Variants in RFT1 observed in about 807,000 individuals in gnomAD.
RFT1 encodes man(5)GlcNAc(2)-PP-dolichol translocation protein RFT1.
Under a neutral mutation model 62.2 loss-of-function variants are expected in RFT1, and 43 were observed. The ratio of observed to expected loss-of-function variants is 0.69; its 90% CI spans 0.54 to 0.89. The LOEUF is 0.89. Ranked by LOEUF, RFT1 falls within the 40% of genes least tolerant of loss-of-function variation. The pLI is 0.00. For synonymous variants in RFT1, 262 were observed against 264.6 expected (o/e 0.99, Z 0.10); for missense variants, 605 against 649.9 (o/e 0.93, Z 0.75).
chr3:53,072,408 G>A, the RFT1 span, among the ~76,000 whole-genome samples: 3 of 152,174 alleles, frequency 2.0e-5, no homozygotes, highest in African/African-American at 7.2e-5. Flanking sequence ...GCTGCTGGGC[G>A]TGCTTGGCTG....
rs1245319384 is a variant in RFT1 at position 53,112,207 on chromosome 3, G to A, written c.697-299C>T. On this transcript the variant is annotated intron_variant, in intron 6 of 12. Transcript: ENST00000296292. ...ACAGTACACTGACCACAGCTAACAC[G>A]TACAGCTCACAGTTTGTTCTTTCCT... Among the ~76,000 whole-genome samples, 6 of 152,218 alleles carry A rather than the reference G, an allele frequency of 3.9e-5. No homozygotes were observed. The East Asian group carries it at 5.8e-4, about 15-fold the overall frequency.
Position 53,088,677 on chromosome 3 carries a change from A to C in RFT1, c.*3226T>G, listed in dbSNP as rs1700910560. Reference sequence around the variant, plus strand: ...TGAGATCCAGTCTCTACAAAAAAAAATTAGAAATTAGCTGGGTGAGGTAGC... The same window carrying C: ...TGAGATCCAGTCTCTACAAAAAAAACTTAGAAATTAGCTGGGTGAGGTAGC... On this transcript the variant is annotated 3_prime_UTR_variant, in exon 13 of 13. Transcript: ENST00000296292. 1 of 151,788 alleles carries C rather than the reference A, an allele frequency of 6.6e-6. No homozygotes were observed. The highest frequency in any genetic ancestry group is 1.5e-5 in the Non-Finnish European group (1 of 67,960). The allele number at this position is 151,788 out of a possible 1,614,324, so 9.4% of individuals were successfully genotyped here.
At chr3:53,085,282 C>T (rs889403553), downstream of RFT1, among the ~76,000 whole-genome samples, 2 of 152,294 alleles carry the variant, frequency 1.3e-5, no homozygotes, top group East Asian at 1.9e-4. Flanking sequence ...CTGGGAGCTG[C>T]CCCAGAGCCT....
chr3:53,067,685 A>ATAGGAGG, the RFT1 span, among the ~76,000 whole-genome samples: 2 of 152,210 alleles, frequency 1.3e-5, no homozygotes, highest in South Asian at 4.1e-4. Context: ...GGTATGCTCG[A>ATAGGAGG]TAGGAGGAGT....
intron 6 of RFT1, among the ~76,000 whole-genome samples, chr3:53,114,092 C>G (rs1701727017): frequency 6.6e-6 from 1 of 152,184 alleles, no homozygotes; most frequent in Admixed American, 6.5e-5. Flanking sequence ...GAGCACCAGA[C>G]AACTTCCTAC....
intron 7 of RFT1, among the ~76,000 whole-genome samples, chr3:53,108,562 T>C (rs1701556474): frequency 6.6e-6 from 1 of 151,920 alleles, no homozygotes; most frequent in South Asian, 2.1e-4. Flanking sequence ...CTAATGTTTT[T>C]TTTTATTTTT....
intron 2 of RFT1, among the ~76,000 whole-genome samples, chr3:53,125,520 T>C (rs1228758504): frequency 6.6e-6 from 1 of 152,254 alleles, no homozygotes; most frequent in Non-Finnish European, 1.5e-5. Context: ...CCTGCCATTA[T>C]GAAGCGCATC....
chr3:53,119,099 A>G (rs1162167728), intron 6 of RFT1, among the ~76,000 whole-genome samples: 2 of 152,098 alleles, frequency 1.3e-5, no homozygotes, highest in Non-Finnish European at 2.9e-5. Flanking sequence ...CTGTAGTCCC[A>G]GCTACTTGGG....
At position 53,123,782 on chromosome 3, in the gene RFT1, A is replaced by G. The variant is rs1046363034; in HGVS notation, c.208T>C (p.Cys70Arg). The G allele has an allele frequency of 1.1e-5, 17 of 1,614,116 alleles. No individual in the cohort carries two copies. Among genetic ancestry groups the G allele is most frequent in the Admixed American group, 5.0e-5 (3 of 60,008 alleles). ...TCTCGCTGGGTGCCCCCACTGAGAC[A>G]TGCTCTGCGGAAGGCCTCTCTGGCC... ...FLAREAFRRA[C>R]LSGGTQRDWS... Residue 70 changes from cysteine to arginine, a missense_variant, in exon 3 of 13, where the codon TGT becomes CGT. Cys to Arg is a radical substitution (Grantham distance 180, BLOSUM62 -3). Coordinates refer to ENST00000296292, the MANE Select transcript of RFT1 (RefSeq NM_052859.4).
rs1701492353 is a variant in RFT1, at chr3:53,106,877, C to T, written c.776-8G>A. 1.9e-6 allele frequency: 3 copies of T among 1,606,626 alleles called. No homozygotes were observed. Among genetic ancestry groups the T allele is most frequent in the Non-Finnish European group, 2.6e-6 (3 of 1,173,850 alleles). ...TCATCACATATCGCTCGCCTATAAA[C>T]AAAAAAGCAAAATAATTAGCAATGT... On this transcript the variant is annotated splice_polypyrimidine_tract_variant and splice_region_variant and intron_variant, in intron 7 of 12. Transcript: ENST00000296292.
chr3:53,075,787 G>A, the RFT1 span, among the ~76,000 whole-genome samples: 1 of 152,202 alleles, frequency 6.6e-6, no homozygotes, highest in African/African-American at 2.4e-5. Flanking sequence ...AAAGCTGGCT[G>A]GGAGCAGGCT....
In RFT1 at chr3:53,129,627, G is replaced by A. The variant is rs539707180; in HGVS notation, c.63+711C>T. On this transcript the variant is annotated intron_variant, in intron 1 of 12. Coordinates refer to ENST00000296292, the MANE Select transcript of RFT1 (RefSeq NM_052859.4). ...TGAAAGAATCTTCAGATACCATTTG[G>A]ACTAACTGGCCTGTATCATACCTGA... Among the ~76,000 whole-genome samples, 7 of 152,236 alleles carry A rather than the reference G, an allele frequency of 4.6e-5. No homozygotes were observed. In the South Asian group the frequency reaches 1.5e-3, roughly 32 times the overall value.
intron 6 of RFT1, among the ~76,000 whole-genome samples, chr3:53,116,235 A>G (rs1284550936): frequency 6.6e-6 from 1 of 151,742 alleles, no homozygotes. Flanking sequence ...CAAGTCAGGC[A>G]TGCTGCTCAT....
chr3:53,103,751 G>T, intron 10 of RFT1: 1 of 639,140 alleles, frequency 1.6e-6, no homozygotes, highest in Non-Finnish European at 2.8e-6. Context: ...GAAGCTGATT[G>T]TCCTGGCGCC....
At chr3:53,080,236 G>C in the RFT1 span, among the ~76,000 whole-genome samples, 1 of 152,222 alleles carries the variant, frequency 6.6e-6, no homozygotes, top group Non-Finnish European at 1.5e-5. Context: ...ATCCCTTCTT[G>C]TCCTGGGGAG....
At chr3:53,093,119 A>T (rs180805480) in intron 11 of RFT1, among the ~76,000 whole-genome samples, 1 of 151,876 alleles carries the variant, frequency 6.6e-6, no homozygotes, top group African/African-American at 2.4e-5. Flanking sequence ...CGGACTTCTG[A>T]CCCCTAAGCT....
the RFT1 span, among the ~76,000 whole-genome samples, chr3:53,071,465 C>T: frequency 1.6e-4 from 25 of 152,172 alleles, no homozygotes; most frequent in Non-Finnish European, 2.5e-4. Context: ...CCACCCTCCT[C>T]GCTATGCCTG....
chr3:53,099,821 C>T (rs1701262714), intron 10 of RFT1, among the ~76,000 whole-genome samples: 2 of 152,164 alleles, frequency 1.3e-5, no homozygotes, highest in Admixed American at 1.3e-4. Context: ...AACCCCGTGT[C>T]TACCAAAAAT....
intron 2 of RFT1, 28 bp from the exon 3 acceptor site, chr3:53,123,868 G>C (rs964632586): frequency 1.3e-6 from 2 of 1,566,552 alleles, no homozygotes; most frequent in Non-Finnish European, 8.8e-7. Flanking sequence ...AAATCAATAA[G>C]GTCTCAAGTT....
Sources: allele counts gnomAD v4.1 joint callset (sites outside exome capture counted in the v4.1 genomes callset), GRCh38; gene constraint gnomAD v4.1.1; transcripts MANE v1.5; gene names NCBI Gene and HGNC (gene_info 2026-07-23, HGNC 2026-07-21).